PEPD: variants seen among roughly 807,000 people sequenced by gnomAD.
PEPD encodes xaa-Pro dipeptidase.
PEPD carries 53 observed loss-of-function variants against 60.7 expected under a neutral mutation model. The observed-to-expected ratio is 0.87, with a 90% CI of 0.70 to 1.10. The LOEUF (loss-of-function observed/expected upper bound fraction) is 1.10, where lower values mean the gene tolerates loss of function less well. Among genes scored for constraint, PEPD ranks in the 50% least tolerant of loss-of-function variants. PEPD has a pLI of 0.00. For missense variants in PEPD, 711 were observed against 711.9 expected, an observed-to-expected ratio of 1.00 and a Z score of 0.01; for synonymous variants, 267 against 284.1, an observed-to-expected ratio of 0.94 and a Z score of 0.60.
chr19:33,428,281 C>T (rs566755635), intron 9 of PEPD, among the ~76,000 whole-genome samples: 117 of 152,280 alleles, frequency 7.7e-4, no homozygotes, highest in Middle Eastern at 3.4e-3. Context: ...GCTGGGTCCC[C>T]GCAGGGAGCC....
intron 11 of PEPD, among the ~76,000 whole-genome samples, chr19:33,404,479 C>G (rs1968573408): frequency 6.6e-6 from 1 of 151,044 alleles, no homozygotes. Flanking sequence ...CAACAACAAC[C>G]AGGAAGCCCA....
intron 1 of PEPD, among the ~76,000 whole-genome samples, chr19:33,513,350 A>T (rs1340438753): frequency 6.6e-6 from 1 of 152,134 alleles, no homozygotes; most frequent in African/African-American, 2.4e-5. Flanking sequence ...CCAGACTCAC[A>T]GACCCATCAG....
chr19:33,503,671 G>A (rs1189368844), intron 3 of PEPD, among the ~76,000 whole-genome samples: 3 of 152,154 alleles, frequency 2.0e-5, no homozygotes, highest in East Asian at 1.9e-4. Context: ...AGCGAAATGC[G>A]TGGCTGGGAT....
intron 9 of PEPD, among the ~76,000 whole-genome samples, chr19:33,421,271 A>G (rs766194223): frequency 1.3e-5 from 2 of 152,164 alleles, no homozygotes; most frequent in Non-Finnish European, 2.9e-5. Context: ...GACAAAGCCC[A>G]ACAGGTTTTC....
chr19:33,485,491 T>TAAAAAAAAAAAAAAAAAAA (rs908651690), intron 6 of PEPD, among the ~76,000 whole-genome samples: 12 of 110,964 alleles, frequency 1.1e-4, no homozygotes, highest in African/African-American at 4.4e-4. Flanking sequence ...AGACTCTGTC[T>TAAAAAAAAAAAAAAAAAAA]AAAAAAAAAA....
intron 1 of PEPD, 37 bp downstream of exon 1, chr19:33,521,707 C>T (rs368014709): frequency 2.8e-5 from 44 of 1,571,628 alleles, no homozygotes; most frequent in Non-Finnish European, 3.5e-5. Flanking sequence ...CCCCTCTCCA[C>T]GCCAGCGGGA....
chr19:33,435,436 C>T (rs994015019), intron 9 of PEPD, among the ~76,000 whole-genome samples: 5 of 152,244 alleles, frequency 3.3e-5, no homozygotes, highest in Admixed American at 6.5e-5. Flanking sequence ...CTGTCACTTC[C>T]GGCTGCCCGG....
chr19:33,425,272 G>A (rs564232617), intron 9 of PEPD, among the ~76,000 whole-genome samples: 1 of 151,470 alleles, frequency 6.6e-6, no homozygotes, highest in East Asian at 1.9e-4. Flanking sequence ...ACTCCAGCCT[G>A]GGCGACAGAG....
Position 33,401,877 on chromosome 19 carries a change from G to A in PEPD, c.819-8C>T. The A allele has an allele frequency of 1.9e-6, 3 of 1,612,730 alleles. No individual in the cohort carries two copies. In the South Asian group the frequency reaches 3.3e-5, roughly 18 times the overall value. On this transcript the variant is annotated splice_polypyrimidine_tract_variant and splice_region_variant and intron_variant, in intron 11 of 14. Coordinates refer to ENST00000244137, the MANE Select transcript of PEPD (RefSeq NM_000285.4). ...CCGCCCATGTCGAACAGGCTGCGGA[G>A]AGAGGAAGGCAGGGCAAGTGGGTAC...
At chr19:33,417,756 G>C (rs2145373715) in intron 9 of PEPD, among the ~76,000 whole-genome samples, 1 of 152,332 alleles carries the variant, frequency 6.6e-6, no homozygotes, top group Middle Eastern at 3.4e-3. Context: ...CAGGAGAGGA[G>C]GTCGTGGGCA....
At chr19:33,406,962 A>G (rs2145356236) in intron 11 of PEPD, among the ~76,000 whole-genome samples, 1 of 152,218 alleles carries the variant, frequency 6.6e-6, no homozygotes, top group Non-Finnish European at 1.5e-5. Context: ...AACACAAAAG[A>G]CCAGGCCCAG....
chr19:33,412,908 G>C (rs76776232), intron 10 of PEPD, among the ~76,000 whole-genome samples: 6,214 of 152,300 alleles, frequency 0.041, 156 homozygotes, highest in African/African-American at 0.066. Flanking sequence ...ACACCCCAAG[G>C]GACACATGCC....
At chr19:33,407,208 T>C (rs957649391) in intron 11 of PEPD, among the ~76,000 whole-genome samples, 1 of 152,298 alleles carries the variant, frequency 6.6e-6, no homozygotes, top group East Asian at 1.9e-4. Flanking sequence ...CCAGCTGCTT[T>C]CCCAACCAGA....
intron 4 of PEPD, among the ~76,000 whole-genome samples, chr19:33,494,066 G>A (rs1970550448): frequency 6.6e-6 from 1 of 152,002 alleles, no homozygotes; most frequent in Non-Finnish European, 1.5e-5. Context: ...CTCCTCTACT[G>A]CCCCACTGAC....
chr19:33,412,856 G>T lies in PEPD; in HGVS notation c.740+719C>A, dbSNP rs144557559. Among the ~76,000 whole-genome samples, 489 of 152,294 alleles carry T rather than the reference G, an allele frequency of 3.2e-3. 3 individuals carry two copies. Among genetic ancestry groups the T allele is most frequent in the Middle Eastern group, 0.024 (7 of 294 alleles). ...GACTGGCTGGGAGAGCGCAGGAGACGAGGGGGCCACGCCCACAGCCAGGAC... is the reference window on the plus strand; with the variant it reads ...GACTGGCTGGGAGAGCGCAGGAGACTAGGGGGCCACGCCCACAGCCAGGAC... On this transcript the variant is annotated intron_variant, in intron 10 of 14. Coordinates refer to ENST00000244137, the MANE Select transcript of PEPD (RefSeq NM_000285.4).
At chr19:33,476,820 T>C (rs1224852013) in intron 7 of PEPD, among the ~76,000 whole-genome samples, 3 of 152,052 alleles carry the variant, frequency 2.0e-5, no homozygotes, top group Admixed American at 6.6e-5. Flanking sequence ...CCCGCCACCA[T>C]GCCCTGCTAA....
chr19:33,460,169 G>A (rs1325693390), intron 9 of PEPD, among the ~76,000 whole-genome samples: 1 of 152,190 alleles, frequency 6.6e-6, no homozygotes, highest in Non-Finnish European at 1.5e-5. Flanking sequence ...TGACACAGAA[G>A]ATGGCAGAAA....
At chr19:33,486,329 C>T (rs1161337424) in intron 6 of PEPD, among the ~76,000 whole-genome samples, 2 of 151,062 alleles carry the variant, frequency 1.3e-5, no homozygotes, top group African/African-American at 4.9e-5. Context: ...ACCCCTCCTG[C>T]CAGAGCCCGC....
chr19:33,471,552 T>C (rs369207525), intron 7 of PEPD, among the ~76,000 whole-genome samples: 24 of 152,236 alleles, frequency 1.6e-4, no homozygotes, highest in Non-Finnish European at 2.9e-4. Flanking sequence ...GAGAGATGCA[T>C]GGTCACACTC....
Sources: gnomAD v4.1 joint callset for allele counts (sites outside exome capture counted in the v4.1 genomes callset) on GRCh38, gnomAD v4.1.1 for gene constraint, MANE v1.5 for transcripts, NCBI Gene and HGNC (gene_info 2026-07-23, HGNC 2026-07-21) for gene names.